CPA6: variants seen among roughly 807,000 people sequenced by gnomAD.
The protein encoded by CPA6 is carboxypeptidase A6.
CPA6 carries 58 observed loss-of-function variants against 63.3 expected under a neutral mutation model. The observed-to-expected ratio is 0.92, with a 90% CI of 0.74 to 1.14. CPA6 has a LOEUF of 1.14. CPA6 is among the 50% of genes most tolerant of loss of function. The probability of loss-of-function intolerance (pLI) is 0.00; values close to 1 mark genes in which losing one functional copy is unlikely to be tolerated. For synonymous variants in CPA6, 185 were observed against 179.0 expected, an observed-to-expected ratio of 1.03 and a Z score of -0.27; for missense variants, 565 against 526.6, an observed-to-expected ratio of 1.07 and a Z score of -0.71.
intron 8 of CPA6, among the ~76,000 whole-genome samples, chr8:67,476,674 G>A (rs950534677): frequency 1.3e-5 from 2 of 151,580 alleles, no homozygotes; most frequent in South Asian, 4.1e-4. Flanking sequence ...ATGAGTAAAA[G>A]TAATCATTCA....
chr8:67,456,211 C>T (rs1810674312), intron 8 of CPA6, among the ~76,000 whole-genome samples: 2 of 152,196 alleles, frequency 1.3e-5, no homozygotes, highest in South Asian at 2.1e-4. Flanking sequence ...TCTCTGAAGA[C>T]GGATTGCATT....
rs17431634 is a variant in CPA6 at position 67,663,082 on chromosome 8, C to T, written c.117-38831G>A. ...CGTCATGGCAATTCCCTACCTACTACCTGCCCTTTCTATGAAGAGTTCTCT... is the reference window on the plus strand; with the variant it reads ...CGTCATGGCAATTCCCTACCTACTATCTGCCCTTTCTATGAAGAGTTCTCT... On this transcript the variant is annotated intron_variant, in intron 1 of 10. Transcript: ENST00000297770. Among the ~76,000 whole-genome samples the T allele has an allele frequency of 6.4e-3, 982 of 152,296 alleles. 5 individuals carry two copies. The highest frequency in any genetic ancestry group is 0.011 in the Non-Finnish European group (729 of 68,012).
chr8:67,469,751 C>T (rs1353015082), intron 8 of CPA6, among the ~76,000 whole-genome samples: 1 of 152,208 alleles, frequency 6.6e-6, no homozygotes, highest in Admixed American at 6.5e-5. Context: ...TTTGGACTTG[C>T]CAACCTCTGT....
intron 1 of CPA6, among the ~76,000 whole-genome samples, chr8:67,694,890 G>A (rs138275827): frequency 5.4e-4 from 82 of 152,254 alleles, no homozygotes; most frequent in Middle Eastern, 3.4e-3. Context: ...GTCCAGACGT[G>A]TGATTATATA....
At chr8:67,642,791 T>TCACACACACACACA (rs1491449674) in intron 1 of CPA6, among the ~76,000 whole-genome samples, 340 of 89,414 alleles carry the variant, frequency 3.8e-3, no homozygotes, top group Middle Eastern at 0.015. Context: ...TGGGCCTTTA[T>TCACACACACACACA]CTCACACACA....
chr8:67,645,481 A>C (rs1218270004), intron 1 of CPA6, among the ~76,000 whole-genome samples: 1 of 152,216 alleles, frequency 6.6e-6, no homozygotes, highest in Admixed American at 6.5e-5. Context: ...CAATTTAAGA[A>C]GGAAAAGGGT....
intron 1 of CPA6, among the ~76,000 whole-genome samples, chr8:67,713,878 A>T (rs1255288790): frequency 6.6e-6 from 1 of 152,184 alleles, no homozygotes; most frequent in East Asian, 1.9e-4. Flanking sequence ...GCTGCATTCA[A>T]TTGCTATTTA....
chr8:67,484,611 A>G (rs1483888766), intron 7 of CPA6, 68 bp downstream of exon 7: 3 of 807,968 alleles, frequency 3.7e-6, no homozygotes, highest in Non-Finnish European at 6.1e-6. Flanking sequence ...CCTGTCCTGG[A>G]AGTTTGTGAC....
chr8:67,700,877 T>C (rs993913564), intron 1 of CPA6, among the ~76,000 whole-genome samples: 6 of 152,202 alleles, frequency 3.9e-5, no homozygotes, highest in Admixed American at 6.5e-5. Context: ...TCCTCAATCA[T>C]TGATTTTTAA....
chr8:67,555,023 A>G (rs1190305058), intron 2 of CPA6, among the ~76,000 whole-genome samples: 3 of 152,220 alleles, frequency 2.0e-5, no homozygotes, highest in African/African-American at 7.2e-5. Context: ...CTCAGTGCCT[A>G]CTGAAGCACT....
intron 1 of CPA6, among the ~76,000 whole-genome samples, chr8:67,664,106 T>C (rs1375445099): frequency 6.6e-6 from 1 of 152,236 alleles, no homozygotes; most frequent in Non-Finnish European, 1.5e-5. Flanking sequence ...TTATAGACAT[T>C]CATTCATTGT....
intron 1 of CPA6, among the ~76,000 whole-genome samples, chr8:67,647,049 A>G (rs1418225510): frequency 6.6e-6 from 1 of 152,168 alleles, no homozygotes; most frequent in African/African-American, 2.4e-5. Flanking sequence ...GAAAGGGGAG[A>G]GTAGGGATGA....
intron 1 of CPA6, among the ~76,000 whole-genome samples, chr8:67,659,540 A>C (rs755389859): frequency 6.6e-6 from 1 of 152,224 alleles, no homozygotes; most frequent in African/African-American, 2.4e-5. Context: ...GATGCACACC[A>C]ATAAAATATT....
intron 2 of CPA6, among the ~76,000 whole-genome samples, chr8:67,590,442 C>T (rs934602577): frequency 6.7e-4 from 101 of 151,358 alleles, no homozygotes; most frequent in Non-Finnish European, 1.3e-3. Context: ...ATTTCTAGTT[C>T]TAGATCCCTG....
intron 2 of CPA6, among the ~76,000 whole-genome samples, chr8:67,528,100 T>C (rs1475627717): frequency 6.6e-6 from 1 of 152,220 alleles, no homozygotes; most frequent in African/African-American, 2.4e-5. Context: ...AGCTAAGTGC[T>C]GAGGGTACAA....
chr8:67,455,024 T>C (rs551219014), intron 8 of CPA6, among the ~76,000 whole-genome samples: 2 of 152,244 alleles, frequency 1.3e-5, no homozygotes, highest in South Asian at 4.2e-4. Flanking sequence ...AGAGACTCAA[T>C]GGAGCTCAAG....
rs62513761 is a variant in CPA6, at chr8:67,433,618, G to A, written c.1041+420C>T. Among the ~76,000 whole-genome samples, 813 of 152,264 alleles carry A rather than the reference G, an allele frequency of 5.3e-3. 4 individuals are homozygous for A. The highest frequency in any genetic ancestry group is 0.024 in the Middle Eastern group (7 of 294). ...CATTTACTCAATAAAATTAATTACA[G>A]CCTTGCATACATGACCAAAACTATG... On this transcript the variant is annotated intron_variant, in intron 9 of 10. Coordinates refer to ENST00000297770, the MANE Select transcript of CPA6 (RefSeq NM_020361.5).
At chr8:67,508,607 A>C (rs1202919778) in intron 5 of CPA6, among the ~76,000 whole-genome samples, 1 of 152,154 alleles carries the variant, frequency 6.6e-6, no homozygotes. Flanking sequence ...TGAGACCCAG[A>C]TGGTCAGAGA....
intron 6 of CPA6, among the ~76,000 whole-genome samples, chr8:67,498,642 CA>C (rs1384090643): frequency 6.6e-6 from 1 of 150,388 alleles, no homozygotes; most frequent in Admixed American, 6.7e-5. Flanking sequence ...TACATTTCAA[CA>C]GTAAGTCCAG....
Sources: gnomAD v4.1 joint callset for allele counts (sites outside exome capture counted in the v4.1 genomes callset) on GRCh38, gnomAD v4.1.1 for gene constraint, MANE v1.5 for transcripts, NCBI Gene and HGNC (gene_info 2026-07-23, HGNC 2026-07-21) for gene names.